ABTB3: variants seen among roughly 807,000 people sequenced by gnomAD.
ABTB3 encodes the protein ankyrin repeat- and BTB/POZ domain-containing protein 3.
the ABTB3 span, among the ~76,000 whole-genome samples, chr12:107,361,605 C>A: frequency 6.6e-6 from 1 of 152,186 alleles, no homozygotes. Flanking sequence ...GATTGCCCCC[C>A]AGAAAGGTTG....
At chr12:107,336,020 A>G in the ABTB3 span, among the ~76,000 whole-genome samples, 1 of 152,118 alleles carries the variant, frequency 6.6e-6, no homozygotes, top group Non-Finnish European at 1.5e-5. Flanking sequence ...CACCCGCCCA[A>G]TGCAAAGCTT....
the ABTB3 span, among the ~76,000 whole-genome samples, chr12:107,582,453 T>C: frequency 6.6e-6 from 1 of 152,220 alleles, no homozygotes; most frequent in Non-Finnish European, 1.5e-5. Context: ...TTCTAACCAC[T>C]GAGCGCTTTC....
the ABTB3 span, among the ~76,000 whole-genome samples, chr12:107,365,885 G>A: frequency 6.6e-6 from 1 of 152,218 alleles, no homozygotes; most frequent in South Asian, 2.1e-4. Context: ...GAATTTGACA[G>A]CCTCTAAAGG....
chr12:107,415,720 C>A, the ABTB3 span, among the ~76,000 whole-genome samples: 1,165 of 150,000 alleles, frequency 7.8e-3, 26 homozygotes, highest in African/African-American at 0.027. Context: ...CCAAAAAAAA[C>A]AAAACAAAAA....
At chr12:107,347,407 A>G in the ABTB3 span, among the ~76,000 whole-genome samples, 1 of 152,172 alleles carries the variant, frequency 6.6e-6, no homozygotes, top group African/African-American at 2.4e-5. Flanking sequence ...TGGCTTCAAG[A>G]AACCATTTAA....
At chr12:107,328,249 T>C in the ABTB3 span, among the ~76,000 whole-genome samples, 794 of 152,324 alleles carry the variant, frequency 5.2e-3, 17 homozygotes, top group Admixed American at 0.032. Context: ...TTGCTTAAGG[T>C]GACATGGCTT....
At chr12:107,553,842 A>T in the ABTB3 span, among the ~76,000 whole-genome samples, 1 of 152,318 alleles carries the variant, frequency 6.6e-6, no homozygotes. Context: ...TGGGAGGCTG[A>T]GGCACAAGAA....
the ABTB3 span, among the ~76,000 whole-genome samples, chr12:107,500,442 G>T: frequency 6.6e-6 from 1 of 152,190 alleles, no homozygotes; most frequent in Non-Finnish European, 1.5e-5. Context: ...TCTCTCCTGA[G>T]CAGTCTCTCC....
At chr12:107,464,351 CCTGGG>C in the ABTB3 span, among the ~76,000 whole-genome samples, 296 of 151,866 alleles carry the variant, frequency 1.9e-3, 1 homozygote, top group Admixed American at 3.4e-3. Context: ...CACTCTGTCA[CCTGGG>C]CTGGAGTATA....
At chr12:107,432,666 T>C in the ABTB3 span, among the ~76,000 whole-genome samples, 1 of 152,180 alleles carries the variant, frequency 6.6e-6, no homozygotes, top group Non-Finnish European at 1.5e-5. Context: ...CATGGGCAAG[T>C]GAACAACAGT....
the ABTB3 span, among the ~76,000 whole-genome samples, chr12:107,473,012 G>T: frequency 8.3e-3 from 1,263 of 152,236 alleles, 12 homozygotes; most frequent in African/African-American, 0.028. Flanking sequence ...CAACATGAAG[G>T]CCCCAGGTGG....
At chr12:107,468,725 A>G in the ABTB3 span, among the ~76,000 whole-genome samples, 3 of 152,164 alleles carry the variant, frequency 2.0e-5, no homozygotes, top group Admixed American at 6.5e-5. Flanking sequence ...GATGAACAAG[A>G]TAGGAAAAAA....
chr12:107,528,415 A>G, the ABTB3 span, among the ~76,000 whole-genome samples: 1 of 152,248 alleles, frequency 6.6e-6, no homozygotes, highest in Non-Finnish European at 1.5e-5. Context: ...AACATTAAGT[A>G]AATAAATTGT....
chr12:107,367,103 G>T, the ABTB3 span, among the ~76,000 whole-genome samples: 2 of 152,228 alleles, frequency 1.3e-5, no homozygotes, highest in South Asian at 2.1e-4. Context: ...TCCGGTTCTT[G>T]TCTCATCAGA....
chr12:107,418,520 G>A, the ABTB3 span, among the ~76,000 whole-genome samples: 8,381 of 152,206 alleles, frequency 0.055, 760 homozygotes, highest in African/African-American at 0.19. Context: ...CAGCCCACCC[G>A]GCCTAGCCAC....
the ABTB3 span, among the ~76,000 whole-genome samples, chr12:107,508,829 G>A: frequency 6.6e-5 from 10 of 152,276 alleles, no homozygotes; most frequent in African/African-American, 1.7e-4. Context: ...ACCACATGGC[G>A]TTATGCCCAT....
chr12:107,603,273 G>A, the ABTB3 span, among the ~76,000 whole-genome samples: 25 of 152,294 alleles, frequency 1.6e-4, no homozygotes, highest in Admixed American at 3.3e-4. Context: ...CTGACAAATC[G>A]GGTTGAACAG....
the ABTB3 span, among the ~76,000 whole-genome samples, chr12:107,486,802 A>G: frequency 1.3e-5 from 2 of 151,610 alleles, no homozygotes; most frequent in African/African-American, 4.8e-5. Flanking sequence ...TGTTTTAAGC[A>G]TGTCACAGAG....
the ABTB3 span, among the ~76,000 whole-genome samples, chr12:107,453,455 C>T: frequency 6.6e-6 from 1 of 152,086 alleles, no homozygotes; most frequent in South Asian, 2.1e-4. Flanking sequence ...CTAGCTAGCC[C>T]CTTCCACCAT....
Sources: gnomAD v4.1 joint callset for allele counts (sites outside exome capture counted in the v4.1 genomes callset) on GRCh38, gnomAD v4.1.1 for gene constraint, MANE v1.5 for transcripts, NCBI Gene and HGNC (gene_info 2026-07-23, HGNC 2026-07-21) for gene names.